Variants in FXR1 observed in about 807,000 individuals in gnomAD.
FXR1 encodes the protein RNA-binding protein FXR1.
In FXR1, 15 loss-of-function variants were observed where a neutral mutation model predicts 84.0. The ratio of observed to expected loss-of-function variants is 0.18; its 90% CI spans 0.12 to 0.27. The LOEUF (loss-of-function observed/expected upper bound fraction) is 0.27. Ranked by LOEUF, FXR1 falls within the 10% of genes least tolerant of loss-of-function variation. The pLI, the probability that FXR1 is intolerant of heterozygous loss-of-function variation, is 1.00. For synonymous variants in FXR1, 245 were observed against 250.7 expected (o/e 0.98, Z 0.21); for missense variants, 480 against 774.4 (o/e 0.62, Z 4.51).
Position 180,939,489 on chromosome 3 carries a change from A to G in FXR1, c.198+4258A>G, listed in dbSNP as rs1048507114. Among the ~76,000 whole-genome samples the G allele has an allele frequency of 1.3e-5, 2 of 152,304 alleles. 1 individual carries two copies. The highest frequency in any genetic ancestry group is 4.1e-4 in the South Asian group (2 of 4,830). ...AGGAACTGCCAAATGAAAGAGATGCATGAGGCAAGGTCGGGGTGAGGGAAG... is the reference window on the plus strand; with the variant it reads ...AGGAACTGCCAAATGAAAGAGATGCGTGAGGCAAGGTCGGGGTGAGGGAAG... On this transcript the variant is annotated intron_variant, in intron 3 of 16. Coordinates refer to ENST00000357559, the MANE Select transcript of FXR1 (RefSeq NM_005087.4).
At chr3:180,958,630 A>G (rs1178727885) in intron 10 of FXR1, among the ~76,000 whole-genome samples, 1 of 151,848 alleles carries the variant, frequency 6.6e-6, no homozygotes, top group East Asian at 1.9e-4. Context: ...GTATCCACCC[A>G]TTGGTTGATG....
chr3:180,948,087 G>A (rs556695160), intron 4 of FXR1, 151 bp downstream of exon 4: 2 of 619,176 alleles, frequency 3.2e-6, no homozygotes, highest in South Asian at 4.3e-5. Context: ...ATTAATTTCT[G>A]TTTGTGTTCT....
At chr3:180,920,040 C>CT (rs960558608) in intron 1 of FXR1, among the ~76,000 whole-genome samples, 4 of 152,124 alleles carry the variant, frequency 2.6e-5, no homozygotes, top group African/African-American at 9.7e-5. Flanking sequence ...TTTTTGCTGT[C>CT]TATTTTGGGA....
intron 3 of FXR1, 79 bp downstream of exon 3, chr3:180,935,310 T>A: frequency 1.5e-6 from 1 of 685,120 alleles, no homozygotes; most frequent in Non-Finnish European, 2.6e-6. Flanking sequence ...TTAGCTTAGT[T>A]GATGGAGGAT....
chr3:180,919,516 T>G (rs766514442), intron 1 of FXR1, among the ~76,000 whole-genome samples: 1 of 151,996 alleles, frequency 6.6e-6, no homozygotes, highest in Non-Finnish European at 1.5e-5. Flanking sequence ...ACTCCTAACC[T>G]CAAATGTTCC....
intron 10 of FXR1, among the ~76,000 whole-genome samples, chr3:180,961,046 T>G (rs1712037995): frequency 6.6e-6 from 1 of 152,038 alleles, no homozygotes; most frequent in African/African-American, 2.4e-5. Context: ...AATTATATAT[T>G]GGGGCTGGGT....
chr3:180,957,212 T>C (rs1296923922), intron 9 of FXR1, among the ~76,000 whole-genome samples: 1 of 152,238 alleles, frequency 6.6e-6, no homozygotes, highest in African/African-American at 2.4e-5. Flanking sequence ...ACTTGAATTT[T>C]ATGTAATTTT....
intron 1 of FXR1, chr3:180,927,746 A>T: frequency 2.3e-6 from 1 of 438,936 alleles, no homozygotes; most frequent in Non-Finnish European, 4.0e-6. Flanking sequence ...TTCAGAACAA[A>T]TTGTAGCAAA....
chr3:180,923,470 C>G (rs1232334406), intron 1 of FXR1, among the ~76,000 whole-genome samples: 2 of 152,074 alleles, frequency 1.3e-5, no homozygotes, highest in African/African-American at 4.8e-5. Context: ...TGAGACCTTA[C>G]AGTGAAACCA....
At chr3:180,918,332 CTT>C (rs1235656177) in intron 1 of FXR1, among the ~76,000 whole-genome samples, 1 of 151,938 alleles carries the variant, frequency 6.6e-6, no homozygotes, top group Non-Finnish European at 1.5e-5. Context: ...GAGATGGGGT[CTT>C]GCTATTTAGA....
intron 9 of FXR1, among the ~76,000 whole-genome samples, chr3:180,955,963 TACTC>T (rs1423907803): frequency 6.6e-6 from 1 of 152,208 alleles, no homozygotes; most frequent in Non-Finnish European, 1.5e-5. Context: ...ACTGGTGAAA[TACTC>T]AGGAGTAGTA....
chr3:180,940,419 G>T (rs1470667006), intron 3 of FXR1, among the ~76,000 whole-genome samples: 1 of 152,124 alleles, frequency 6.6e-6, no homozygotes, highest in African/African-American at 2.4e-5. Context: ...TGGAAGGGCA[G>T]TAGAAATATC....
chr3:180,967,654 A>G (rs1713007762), intron 13 of FXR1, among the ~76,000 whole-genome samples: 1 of 150,764 alleles, frequency 6.6e-6, no homozygotes, highest in Non-Finnish European at 1.5e-5. Context: ...TCTGCACATC[A>G]GTTTTTTTTT....
In FXR1 at chr3:180,957,905, GA is replaced by G; in HGVS notation, c.971del (p.Asn324IlefsTer28). 1 of 1,530,040 alleles carries G rather than the reference GA, an allele frequency of 6.5e-7. No individual in the cohort carries two copies. The highest frequency in any genetic ancestry group is 9.0e-7 in the Non-Finnish European group (1 of 1,111,288). The allele number at this position is 1,530,040 out of a possible 1,614,324, so 94.8% of individuals were successfully genotyped here. ...VVRVRIEGDNENKLPREDGMV... is the reference protein window; with the variant it reads ...VVRVRIEGDNXNKLPREDGMV... ...TCGAGTGAGAATTGAAGGGGACAAT[GA>G]AAATAAATTACCCAGAGAAGACGTA... On this transcript the variant is annotated frameshift_variant, in exon 10 of 17. Coordinates refer to ENST00000357559, the MANE Select transcript of FXR1 (RefSeq NM_005087.4). LOFTEE classifies it high-confidence loss of function.
chr3:180,979,088 G>A lies in FXR1; in HGVS notation c.*2796G>A, dbSNP rs1283028568. On this transcript the variant is annotated 3_prime_UTR_variant, in exon 17 of 17. Transcript: ENST00000357559. The stretch of plus-strand genomic sequence containing the variant: ...ACCTGAGATGATGCTGGGTTCCATT[G>A]CTGTTGTGCTAAGTCACGTATTTTT... The A allele has an allele frequency of 6.6e-6, 1 of 152,142 alleles. No individual in the cohort carries two copies. Among genetic ancestry groups the A allele is most frequent in the East Asian group, 1.9e-4 (1 of 5,198 alleles). The allele number at this position is 152,142 out of a possible 1,614,324, so 9.4% of individuals were successfully genotyped here.
intron 9 of FXR1, among the ~76,000 whole-genome samples, chr3:180,954,538 G>A (rs1722547850): frequency 6.6e-6 from 1 of 152,160 alleles, no homozygotes; most frequent in South Asian, 2.1e-4. Flanking sequence ...CATCTGTGCT[G>A]TCTTTTTGCT....
At chr3:180,925,327 T>C (rs191317849) in intron 1 of FXR1, among the ~76,000 whole-genome samples, 21 of 149,540 alleles carry the variant, frequency 1.4e-4, no homozygotes, top group Non-Finnish European at 1.5e-5. Context: ...GCCATTGCAC[T>C]CCGGCCTGGG....
chr3:180,951,235 A>G (rs1482865266), intron 7 of FXR1, 63 bp from the exon 8 acceptor site: 2 of 1,040,678 alleles, frequency 1.9e-6, no homozygotes, highest in Non-Finnish European at 2.9e-6. Context: ...AAAAAACCAA[A>G]CCATACAAAA....
intron 15 of FXR1, chr3:180,971,857 A>G (rs557857904): frequency 2.0e-5 from 3 of 152,734 alleles, no homozygotes; most frequent in Admixed American, 6.5e-5. Flanking sequence ...TATATTCACA[A>G]TGAAGCAATT....
Sources: allele counts gnomAD v4.1 joint callset (sites outside exome capture counted in the v4.1 genomes callset), GRCh38; gene constraint gnomAD v4.1.1; transcripts MANE v1.5; gene names NCBI Gene and HGNC (gene_info 2026-07-23, HGNC 2026-07-21).